The following GRID2 variants were observed in gnomAD, a reference collection of about 807,000 sequenced individuals.
The protein encoded by GRID2 is glutamate receptor ionotropic, delta-2.
In GRID2, 33 loss-of-function variants were observed where a neutral mutation model predicts 114.8. The ratio of observed to expected loss-of-function variants is 0.29; its 90% CI spans 0.22 to 0.38. The LOEUF is 0.38. GRID2 is among the 10% of genes least tolerant of loss of function. The probability of loss-of-function intolerance (pLI) is 1.00; values close to 1 mark genes in which losing one functional copy is unlikely to be tolerated. For synonymous variants in GRID2, 505 were observed against 449.9 expected, an observed-to-expected ratio of 1.12 and a Z score of -1.55; for missense variants, 1,184 against 1,257.7, an observed-to-expected ratio of 0.94 and a Z score of 0.89.
chr4:93,237,495 A>T lies in GRID2; in HGVS notation c.1126-876A>T, dbSNP rs981311998. ...AGATATATTTAAATATCAACATCTT[A>T]GAGGTGATAATTAAAACAATTTACA... is the stretch of plus-strand genomic sequence containing the variant. On this transcript the variant is annotated intron_variant, in intron 7 of 15. Coordinates refer to ENST00000282020, the MANE Select transcript of GRID2 (RefSeq NM_001510.4). 2.0e-5 allele frequency among the ~76,000 whole-genome samples: 3 copies of T among 151,920 alleles called. No homozygotes were observed. The Admixed American group carries it at 2.0e-4, about 10-fold the overall frequency.
intron 1 of GRID2, among the ~76,000 whole-genome samples, chr4:92,582,469 A>G (rs981538651): frequency 9.9e-5 from 15 of 151,914 alleles, no homozygotes; most frequent in African/African-American, 3.1e-4. Flanking sequence ...ACACCCTTAA[A>G]TATAAAGTTT....
intron 1 of GRID2, among the ~76,000 whole-genome samples, chr4:92,549,845 T>C (rs915878266): frequency 1.3e-5 from 2 of 152,174 alleles, no homozygotes; most frequent in Non-Finnish European, 2.9e-5. Context: ...TATGACTATA[T>C]GTACTTGAGA....
At chr4:92,348,529 G>A (rs1471357133) in intron 1 of GRID2, among the ~76,000 whole-genome samples, 1 of 152,152 alleles carries the variant, frequency 6.6e-6, no homozygotes, top group Non-Finnish European at 1.5e-5. Flanking sequence ...ATTTCAGAAA[G>A]ACTGAAGAGC....
chr4:93,769,777 C>T (rs1733966493), intron 15 of GRID2, among the ~76,000 whole-genome samples: 2 of 152,174 alleles, frequency 1.3e-5, no homozygotes, highest in Admixed American at 1.3e-4. Context: ...GACCAGTTCA[C>T]AGAGATACTT....
At chr4:93,346,855 C>A (rs1579762639) in intron 8 of GRID2, among the ~76,000 whole-genome samples, 1 of 152,124 alleles carries the variant, frequency 6.6e-6, no homozygotes, top group Non-Finnish European at 1.5e-5. Flanking sequence ...ACCTGTCATA[C>A]CTCTTTATTA....
intron 4 of GRID2, among the ~76,000 whole-genome samples, chr4:93,169,488 G>T (rs1260319060): frequency 6.6e-6 from 1 of 152,052 alleles, no homozygotes; most frequent in African/African-American, 2.4e-5. Context: ...ATATTTGATT[G>T]CTTGATATTT....
chr4:92,755,050 A>T (rs542769471), intron 2 of GRID2, among the ~76,000 whole-genome samples: 2 of 152,224 alleles, frequency 1.3e-5, no homozygotes, highest in East Asian at 1.9e-4. Context: ...GGGAAACATG[A>T]TGTGACAGGA....
intron 13 of GRID2, among the ~76,000 whole-genome samples, chr4:93,531,636 AATAG>A (rs1487057689): frequency 6.6e-6 from 1 of 152,142 alleles, no homozygotes; most frequent in Non-Finnish European, 1.5e-5. Flanking sequence ...TTAAGTTGAT[AATAG>A]ATAAACAAAA....
At chr4:92,937,247 T>C (rs1362421773) in intron 2 of GRID2, among the ~76,000 whole-genome samples, 2 of 146,802 alleles carry the variant, frequency 1.4e-5, no homozygotes, top group Non-Finnish European at 3.0e-5. Flanking sequence ...CGGTGTCAGA[T>C]CTGAGATATT....
chr4:92,790,671 G>C (rs1235794884), intron 2 of GRID2, among the ~76,000 whole-genome samples: 1 of 148,606 alleles, frequency 6.7e-6, no homozygotes, highest in African/African-American at 2.5e-5. Flanking sequence ...TCCCAACTCA[G>C]CCTCTCAAAA....
chr4:92,701,397 CTAATA>C (rs1210617390), intron 2 of GRID2, among the ~76,000 whole-genome samples: 3 of 151,996 alleles, frequency 2.0e-5, no homozygotes, highest in East Asian at 1.9e-4. Flanking sequence ...CAAAATGATG[CTAATA>C]TAATAAAAAT....
intron 13 of GRID2, among the ~76,000 whole-genome samples, chr4:93,554,194 C>T (rs934446542): frequency 1.3e-5 from 2 of 152,090 alleles, no homozygotes; most frequent in Admixed American, 1.3e-4. Flanking sequence ...GGAATTGGAA[C>T]TTTACCCAAT....
intron 2 of GRID2, among the ~76,000 whole-genome samples, chr4:92,902,952 C>G (rs1242728168): frequency 3.3e-5 from 5 of 151,886 alleles, no homozygotes; most frequent in African/African-American, 1.2e-4. Flanking sequence ...ATTTTGGTTA[C>G]TATACCTCAT....
chr4:92,454,312 C>T (rs1444281227), intron 1 of GRID2, among the ~76,000 whole-genome samples: 4 of 152,096 alleles, frequency 2.6e-5, no homozygotes, highest in Non-Finnish European at 5.9e-5. Flanking sequence ...AAGTACTTAA[C>T]TATATGAAAA....
chr4:93,167,627 A>G (rs550092332), intron 4 of GRID2, among the ~76,000 whole-genome samples: 3 of 152,214 alleles, frequency 2.0e-5, no homozygotes, highest in Non-Finnish European at 4.4e-5. Context: ...AGATTAAAAT[A>G]CACTAAAAAG....
chr4:93,013,235 G>A (rs1238539064), intron 2 of GRID2, among the ~76,000 whole-genome samples: 2 of 151,904 alleles, frequency 1.3e-5, no homozygotes, highest in South Asian at 2.1e-4. Flanking sequence ...TAAGTAGGTG[G>A]ATGATCTCGA....
chr4:92,350,976 G>C (rs1209242975), intron 1 of GRID2, among the ~76,000 whole-genome samples: 5 of 151,736 alleles, frequency 3.3e-5, no homozygotes, highest in Non-Finnish European at 7.4e-5. Context: ...TATTTTCAAA[G>C]TTCATCCGTT....
At chr4:92,313,983 G>C (rs1015708050) in intron 1 of GRID2, among the ~76,000 whole-genome samples, 1 of 152,064 alleles carries the variant, frequency 6.6e-6, no homozygotes, top group African/African-American at 2.4e-5. Flanking sequence ...TGAATATTCA[G>C]TCCTAAGAGA....
intron 2 of GRID2, among the ~76,000 whole-genome samples, chr4:93,045,777 CTT>C (rs1726077322): frequency 1.3e-5 from 2 of 152,104 alleles, no homozygotes. Context: ...TAATACGAAA[CTT>C]TATTCTCTCA....
Sources: allele counts gnomAD v4.1 joint callset (sites outside exome capture counted in the v4.1 genomes callset), GRCh38; gene constraint gnomAD v4.1.1; transcripts MANE v1.5; gene names NCBI Gene and HGNC (gene_info 2026-07-23, HGNC 2026-07-21).